The following NPHP3 variants were observed in gnomAD, a reference collection of about 807,000 sequenced individuals.
NPHP3 encodes the protein nephrocystin-3.
Under a neutral mutation model 171.9 loss-of-function variants are expected in NPHP3, and 123 were observed. The observed-to-expected ratio is 0.72, with a 90% CI of 0.62 to 0.83. The LOEUF is 0.83. Among genes scored for constraint, NPHP3 ranks in the 40% least tolerant of loss-of-function variants. The pLI is 0.00. For missense variants in NPHP3, 1,506 were observed against 1,591.9 expected (o/e 0.95, Z 0.92); for synonymous variants, 558 against 579.2 (o/e 0.96, Z 0.52).
At chr3:132,708,079 C>T (rs749211618) in intron 7 of NPHP3, 22 bp downstream of exon 7, 1 of 1,612,730 alleles carries the variant, frequency 6.2e-7, no homozygotes, top group Non-Finnish European at 8.5e-7. Context: ...GTGTGTTTTT[C>T]AAAAATGCCT....
chr3:132,695,914 A>G (rs1214374241), intron 15 of NPHP3, among the ~76,000 whole-genome samples: 1 of 152,214 alleles, frequency 6.6e-6, no homozygotes, highest in Non-Finnish European at 1.5e-5. Context: ...AGCCTGGGCA[A>G]CAGAGAGTGA....
chr3:132,721,848 T>C, intron 1 of NPHP3, 115 bp downstream of exon 1: 2 of 1,274,560 alleles, frequency 1.6e-6, no homozygotes, highest in South Asian at 1.3e-5. Flanking sequence ...ATATGGCCTC[T>C]CAAATTAAAA....
chr3:132,698,337 G>A (rs377366082), intron 13 of NPHP3, among the ~76,000 whole-genome samples: 1 of 152,064 alleles, frequency 6.6e-6, no homozygotes, highest in African/African-American at 2.4e-5. Flanking sequence ...CAGTGCAGTG[G>A]TGCAATCTCA....
rs1403392798 is a variant in NPHP3, at chr3:132,696,609, A to T, written c.2171+122T>A. 4 of 846,676 alleles carry T rather than the reference A, an allele frequency of 4.7e-6. No individual in the cohort carries two copies. The South Asian group carries it at 5.4e-5, about 11-fold the overall frequency. 52.4% of individuals were successfully genotyped at this position (846,676 alleles called of 1,614,324 possible). On this transcript the variant is annotated intron_variant, in intron 15 of 26. Transcript: ENST00000337331. ...CTCACAAATGTTAGTATCACTATTC[A>T]AATAAAATCTGAGTGGCTCAACAGA... is the stretch of plus-strand genomic sequence containing the variant.
intron 23 of NPHP3, chr3:132,686,048 C>CAAA (rs374302036): frequency 9.1e-5 from 34 of 372,206 alleles, no homozygotes; most frequent in Middle Eastern, 7.9e-4. Context: ...GACTCCGTCT[C>CAAA]AAAAAAAAAA....
At chr3:132,696,672 A>C (rs1939461173) in intron 15 of NPHP3, 59 bp downstream of exon 15, 10 of 1,471,784 alleles carry the variant, frequency 6.8e-6, no homozygotes, top group Non-Finnish European at 9.5e-6. Flanking sequence ...GCAGGGTGAG[A>C]AAGGGTCTGC....
intron 13 of NPHP3, among the ~76,000 whole-genome samples, chr3:132,698,426 C>T (rs145085542): frequency 6.6e-6 from 1 of 151,970 alleles, no homozygotes; most frequent in African/African-American, 2.4e-5. Context: ...TACAAGCACC[C>T]GCCACCATGC....
intron 1 of NPHP3, 73 bp from the exon 2 acceptor site, chr3:132,719,903 C>A: frequency 4.5e-6 from 2 of 446,296 alleles, no homozygotes; most frequent in Non-Finnish European, 6.8e-6. Flanking sequence ...TATATATATA[C>A]ATATATATAT....
At chr3:132,713,904 A>C (rs1350896143) in intron 5 of NPHP3, among the ~76,000 whole-genome samples, 11 of 152,278 alleles carry the variant, frequency 7.2e-5, no homozygotes, top group Admixed American at 7.2e-4. Context: ...TGAATTTGGT[A>C]ATCAACAACA....
In NPHP3 at chr3:132,699,423, T is replaced by C; in HGVS notation, c.1915A>G (p.Ile639Val). 1 of 1,611,016 alleles carries C rather than the reference T, an allele frequency of 6.2e-7. No homozygotes were observed. ...CTTACATTCACTGGCAGTGGATCTA[T>C]CAGCCATTTCATGTGTTTTTCAACT... Reference protein sequence around the residue: ...QQVEKHMKWLIDPLPVNVRVI... With the variant: ...QQVEKHMKWLVDPLPVNVRVI... Residue 639 changes from isoleucine (I) to valine (V), a missense_variant, in exon 13 of 27, where the codon ATA becomes GTA. Physicochemically the swap from Ile to Val is conservative, Grantham distance 29. This residue lies in a region of NPHP3 where 930 missense variants were observed against 924.9 expected (regional missense o/e 1.01). Transcript: ENST00000337331.
intron 7 of NPHP3, among the ~76,000 whole-genome samples, chr3:132,707,891 C>G (rs547147414): frequency 6.6e-6 from 1 of 152,234 alleles, no homozygotes; most frequent in East Asian, 1.9e-4. Context: ...AATCTCACTC[C>G]AAGTGAAAAG....
rs1379989124 is a variant in NPHP3 at position 132,719,817 on chromosome 3, GT to G, written c.406del (p.Thr136ArgfsTer13). 138 of 1,588,106 alleles carry G rather than the reference GT, an allele frequency of 8.7e-5. No homozygotes were observed. Among genetic ancestry groups the G allele is most frequent in the Non-Finnish European group, 1.2e-4 (134 of 1,164,622 alleles). ...LRAELQALQK[T>X]YQKILREKES... Reference sequence around the variant, plus strand: ...TTTTTCTCGAAGTATCTTCTGATACGTTTTTTGAAGTGCCTAGAATAATTTA... The same window carrying G: ...TTTTTCTCGAAGTATCTTCTGATACGTTTTTGAAGTGCCTAGAATAATTTA... On this transcript the variant is annotated frameshift_variant, in exon 2 of 27. Transcript: ENST00000337331. LOFTEE classifies it high-confidence loss of function.
intron 2 of NPHP3, 96 bp from the exon 3 acceptor site, chr3:132,719,240 T>C: frequency 1.0e-6 from 1 of 964,270 alleles, no homozygotes. Context: ...ATAAAACCAA[T>C]ATTCATTTGG....
At chr3:132,710,536 G>A (rs1477718750) in intron 6 of NPHP3, among the ~76,000 whole-genome samples, 2 of 152,254 alleles carry the variant, frequency 1.3e-5, no homozygotes, top group African/African-American at 2.4e-5. Context: ...CTTCTACGTA[G>A]GTTCAAGCTT....
At chr3:132,715,285 T>G (rs1576684692) in intron 4 of NPHP3, 67 bp from the exon 5 acceptor site, 2 of 1,370,304 alleles carry the variant, frequency 1.5e-6, no homozygotes, top group East Asian at 4.6e-5. Context: ...CTAAAAAAGT[T>G]TTAAAAACAT....
At chr3:132,718,143 G>A in intron 3 of NPHP3, 1 of 441,758 alleles carries the variant, frequency 2.3e-6, no homozygotes, top group Non-Finnish European at 4.5e-6. Context: ...AGAAGGAACT[G>A]TCAGTTACCA....
chr3:132,684,412 GTTAC>G, intron 24 of NPHP3, 138 bp downstream of exon 24: 1 of 750,960 alleles, frequency 1.3e-6, no homozygotes. Context: ...GTTCTGCTCA[GTTAC>G]TTGTTAAAAG....
rs985289177 is a variant in NPHP3 at position 132,682,809 on chromosome 3, C to T, written c.3706G>A (p.Val1236Ile). ...CTTTCATATAATGGCAAAGCTTCAA[C>T]GTGTTTTTTCTTATTAAAAAAAATG... is the stretch of plus-strand genomic sequence containing the variant. ...AVLYSQMKKH[V>I]EALPLYERAL... The change falls in exon 26 of 27, where the codon GTT becomes ATT. Residue 1236 changes from valine (V) to isoleucine (I), a missense_variant. Val to Ile is a conservative substitution (Grantham distance 29). Transcript: ENST00000337331. 29 of 1,604,592 alleles carry T rather than the reference C, an allele frequency of 1.8e-5. No homozygotes were observed. The highest frequency in any genetic ancestry group is 2.7e-5 in the African/African-American group (2 of 74,716).
chr3:132,702,782 T>C (rs1162808262), intron 9 of NPHP3, among the ~76,000 whole-genome samples: 1 of 152,122 alleles, frequency 6.6e-6, no homozygotes, highest in Non-Finnish European at 1.5e-5. Flanking sequence ...CTCAAATAAT[T>C]CAAATAGAAA....
Sources: allele counts gnomAD v4.1 joint callset (sites outside exome capture counted in the v4.1 genomes callset), GRCh38; gene constraint gnomAD v4.1.1; regional missense constraint gnomAD v4.1.1; transcripts MANE v1.5; gene names NCBI Gene and HGNC (gene_info 2026-07-23, HGNC 2026-07-21).